The following LMF1 variants were observed in gnomAD, a reference collection of about 807,000 sequenced individuals.
The protein encoded by LMF1 is lipase maturation factor 1, also known as transmembrane protein 112.
A neutral mutation model predicts 60.6 loss-of-function variants in LMF1; 68 were observed. The ratio of observed to expected loss-of-function variants is 1.12; its 90% CI spans 0.92 to 1.37. The LOEUF is 1.37. LMF1 is among the 40% of genes most tolerant of loss of function. LMF1 has a pLI of 0.00. For missense variants in LMF1, 948 were observed against 767.2 expected, an observed-to-expected ratio of 1.24 and a Z score of -2.78; for synonymous variants, 418 against 324.7, an observed-to-expected ratio of 1.29 and a Z score of -3.09.
intron 1 of LMF1, chr16:980,127 C>G (rs1446892253): frequency 1.1e-5 from 3 of 265,298 alleles, no homozygotes; most frequent in Admixed American, 9.6e-5. Context: ...TTCCTCTGAC[C>G]TGGCTGCAGA....
At chr16:882,994 G>A (rs1165108771) in intron 5 of LMF1, among the ~76,000 whole-genome samples, 1 of 142,968 alleles carries the variant, frequency 7.0e-6, no homozygotes, top group African/African-American at 2.6e-5. Flanking sequence ...CTGCCCGGCA[G>A]AGCCTATCAC....
At chr16:905,133 C>G (rs2070940363) in intron 4 of LMF1, 2 of 167,420 alleles carry the variant, frequency 1.2e-5, no homozygotes, top group African/African-American at 2.7e-5. Context: ...GTGACCTCTG[C>G]ACTGCCCACA....
intron 10 of LMF1, among the ~76,000 whole-genome samples, chr16:858,948 T>TGTGCAGTGGTGC (rs2069317535): frequency 1.3e-5 from 1 of 79,420 alleles, no homozygotes; most frequent in African/African-American, 8.2e-5. Flanking sequence ...TGCAGTGGTG[T>TGTGCAGTGGTGC]CACGGGACGG....
intron 6 of LMF1, chr16:872,410 A>C (rs541674222): frequency 6.6e-6 from 1 of 152,286 alleles, no homozygotes; most frequent in African/African-American, 2.4e-5. Context: ...CTGTGCACTC[A>C]TGGCTCTCCC....
intron 4 of LMF1, chr16:901,598 C>T (rs4984962): frequency 0.42 from 64,089 of 152,208 alleles, 15,321 homozygotes; most frequent in African/African-American, 0.65. Flanking sequence ...CACTTTGACA[C>T]GACTGAAATA....
rs1442365188 is a variant in LMF1, at chr16:948,639, GACA to G, written c.503+5715_503+5717del. On this transcript the variant is annotated intron_variant, in intron 2 of 10. Transcript: ENST00000262301. ...AGAGTCAGCCAACGACAGAATCAGA[GACA>G]ACGACAGAGTCAGCCAACGACAGAA... is the stretch of plus-strand genomic sequence containing the variant. Among the ~76,000 whole-genome samples, 3 of 150,926 alleles carry G rather than the reference GACA, an allele frequency of 2.0e-5. No individual in the cohort carries two copies. In the East Asian group the frequency reaches 5.9e-4, roughly 30 times the overall value.
chr16:933,821 A>C (rs1023471070), intron 3 of LMF1: 2 of 520,418 alleles, frequency 3.8e-6, no homozygotes, highest in Non-Finnish European at 6.1e-6. Context: ...GATGGGGAAG[A>C]CCTCCGGTCC....
chr16:960,610 A>C (rs373260527), intron 1 of LMF1, among the ~76,000 whole-genome samples: 1 of 25,770 alleles, frequency 3.9e-5, no homozygotes, highest in South Asian at 1.6e-3. Flanking sequence ...CACGGTGACA[A>C]CACGGGATCA....
chr16:920,864 C>T (rs868459550), intron 3 of LMF1, among the ~76,000 whole-genome samples: 4 of 152,192 alleles, frequency 2.6e-5, no homozygotes, highest in South Asian at 2.1e-4. Flanking sequence ...GGGAGCCAGG[C>T]GCGGATCCTT....
intron 4 of LMF1, among the ~76,000 whole-genome samples, chr16:904,678 C>T (rs1309784925): frequency 1.3e-4 from 4 of 30,962 alleles, no homozygotes; most frequent in African/African-American, 1.0e-3. Flanking sequence ...CTGCATCGCC[C>T]ACAGGACGCC....
chr16:860,215 C>CT (rs1567138311), intron 10 of LMF1, among the ~76,000 whole-genome samples: 1 of 148,102 alleles, frequency 6.8e-6, no homozygotes, highest in East Asian at 2.0e-4. Context: ...CTTAACAGGT[C>CT]TTTTTATGGA....
chr16:927,192 C>T (rs1187134322), intron 3 of LMF1, among the ~76,000 whole-genome samples: 2 of 152,236 alleles, frequency 1.3e-5, no homozygotes, highest in South Asian at 2.1e-4. Flanking sequence ...TTGGAAATGG[C>T]CCGTGGAGAT....
intron 10 of LMF1, among the ~76,000 whole-genome samples, chr16:866,228 T>C (rs986395493): frequency 6.6e-6 from 1 of 152,242 alleles, no homozygotes; most frequent in African/African-American, 2.4e-5. Flanking sequence ...TTAAACCTTC[T>C]GCTTTAGATG....
Position 947,289 on chromosome 16 carries a change from C to T in LMF1, c.503+7068G>A, listed in dbSNP as rs189340881. 8.6e-4 allele frequency: 312 copies of T among 361,762 alleles called. 3 individuals are homozygous for T. The highest frequency in any genetic ancestry group is 6.1e-3 in the African/African-American group (284 of 46,938). The allele number at this position is 361,762 out of a possible 1,614,324, so 22.4% of individuals were successfully genotyped here. A position where few individuals can be genotyped will look rare whatever the true frequency, so the allele number is the denominator to read the frequency against. On this transcript the variant is annotated intron_variant, in intron 2 of 10. Coordinates refer to ENST00000262301, the MANE Select transcript of LMF1 (RefSeq NM_022773.4). The stretch of plus-strand genomic sequence containing the variant: ...TGTCAAATCCCTTCCCATGCATTAA[C>T]ACAGAGACAGAGGCTGCAGCCCAGC...
At chr16:949,307 A>ACAACGACAGAGTCAGC (rs1171672760) in intron 2 of LMF1, among the ~76,000 whole-genome samples, 1 of 108,388 alleles carries the variant, frequency 9.2e-6, no homozygotes, top group Non-Finnish European at 1.9e-5. Flanking sequence ...AGAGTCAGAG[A>ACAACGACAGAGTCAGC]CAACGACAGA....
At position 894,123 on chromosome 16, in the gene LMF1, A is replaced by C. The variant is rs374879907; in HGVS notation, c.664-1051T>G. Among the ~76,000 whole-genome samples, 5 of 6,018 alleles carry C rather than the reference A, an allele frequency of 8.3e-4. 1 individual carries two copies. The highest frequency in any genetic ancestry group is 1.9e-3 in the Admixed American group (1 of 516). The allele number at this position is 6,018 out of a possible 152,430, so 3.9% of individuals were successfully genotyped here. On this transcript the variant is annotated intron_variant, in intron 4 of 10. Coordinates refer to ENST00000262301, the MANE Select transcript of LMF1 (RefSeq NM_022773.4). Reference sequence around the variant, plus strand: ...GCCCACCCATGCCCCTGTCCACCGGACCGTCTGCCCACCCGTCCCCTGTCC... The same window carrying C: ...GCCCACCCATGCCCCTGTCCACCGGCCCGTCTGCCCACCCGTCCCCTGTCC...
chr16:887,348 G>C lies in LMF1; in HGVS notation c.729+5659C>G, dbSNP rs2070339027. Among the ~76,000 whole-genome samples, 4 of 152,340 alleles carry C rather than the reference G, an allele frequency of 2.6e-5. No homozygotes were observed. In the South Asian group the frequency reaches 8.3e-4, roughly 32 times the overall value. ...TGGAAAGGGGCGCCTGCCTGACACG[G>C]GGATGCACCAGCCACAAGATACACT... On this transcript the variant is annotated intron_variant, in intron 5 of 10. Coordinates refer to ENST00000262301, the MANE Select transcript of LMF1 (RefSeq NM_022773.4).
Position 853,892 on chromosome 16 carries a change from C to T in LMF1, c.*640G>A, listed in dbSNP as rs759227900. 4 of 453,960 alleles carry T rather than the reference C, an allele frequency of 8.8e-6. No homozygotes were observed. In the East Asian group the frequency reaches 2.8e-4, roughly 32 times the overall value. 28.1% of individuals were successfully genotyped at this position (453,960 alleles called of 1,614,324 possible). On this transcript the variant is annotated 3_prime_UTR_variant, in exon 11 of 11. Coordinates refer to ENST00000262301, the MANE Select transcript of LMF1 (RefSeq NM_022773.4). ...GACACCAGTCATGGGGGGATGAAAC[C>T]GGGCCAAGAACACATGTGTGCACAG...
At chr16:949,749 C>G (rs2072387303) in intron 2 of LMF1, among the ~76,000 whole-genome samples, 1 of 101,140 alleles carries the variant, frequency 9.9e-6, no homozygotes, top group Non-Finnish European at 1.8e-5. Flanking sequence ...TCAGAGACGA[C>G]AGAGTCAGAG....
Sources: allele counts gnomAD v4.1 joint callset (sites outside exome capture counted in the v4.1 genomes callset), GRCh38; gene constraint gnomAD v4.1.1; transcripts MANE v1.5; gene names NCBI Gene and HGNC (gene_info 2026-07-23, HGNC 2026-07-21).